WDR49: variants seen among roughly 807,000 people sequenced by gnomAD.
WDR49 encodes cilia- and flagella-associated protein 337.
In WDR49, 107 loss-of-function variants were observed where a neutral mutation model predicts 119.5. The observed-to-expected ratio is 0.90, with a 90% CI of 0.77 to 1.05. The LOEUF is 1.05. Among genes scored for constraint, WDR49 ranks in the 50% least tolerant of loss-of-function variants. The pLI is 0.00. For synonymous variants in WDR49, 425 were observed against 418.8 expected, an observed-to-expected ratio of 1.01 and a Z score of -0.18; for missense variants, 1,240 against 1,220.5, an observed-to-expected ratio of 1.02 and a Z score of -0.24.
chr3:167,526,358 C>G (rs1045034522), intron 15 of WDR49, among the ~76,000 whole-genome samples: 1 of 152,072 alleles, frequency 6.6e-6, no homozygotes, highest in African/African-American at 2.4e-5. Context: ...TTGGTTCGAC[C>G]CCGGATGTCT....
chr3:167,498,793 T>C (rs1199256379), intron 18 of WDR49, among the ~76,000 whole-genome samples: 2 of 152,134 alleles, frequency 1.3e-5, no homozygotes, highest in African/African-American at 4.8e-5. Flanking sequence ...TCAATACAGT[T>C]GCATTTCTTT....
chr3:167,481,730 G>A (rs1338585819), intron 18 of WDR49, among the ~76,000 whole-genome samples: 5 of 152,128 alleles, frequency 3.3e-5, no homozygotes, highest in African/African-American at 4.8e-5. Context: ...AGCAGCAAGA[G>A]AGAAATGAGG....
chr3:167,544,910 C>A (rs992112113), intron 10 of WDR49, among the ~76,000 whole-genome samples: 37 of 151,860 alleles, frequency 2.4e-4, no homozygotes, highest in Non-Finnish European at 2.9e-5. Context: ...ACAGACAATC[C>A]ATAGAGTGGG....
At chr3:167,621,725 A>AGACT in intron 3 of WDR49, 82 bp from the exon 4 acceptor site, 1 of 1,309,592 alleles carries the variant, frequency 7.6e-7, no homozygotes, top group East Asian at 2.6e-5. Context: ...CGCCACTCTA[A>AGACT]TTGCCAAATC....
At chr3:167,549,093 TGA>T in intron 10 of WDR49, among the ~76,000 whole-genome samples, 1 of 152,332 alleles carries the variant, frequency 6.6e-6, no homozygotes, top group South Asian at 2.1e-4. Flanking sequence ...AGTCTATCAT[TGA>T]TGGACATTTG....
chr3:167,498,377 A>C (rs1751438311), intron 18 of WDR49, among the ~76,000 whole-genome samples: 1 of 152,178 alleles, frequency 6.6e-6, no homozygotes, highest in Non-Finnish European at 1.5e-5. Context: ...ATGAGACTCA[A>C]AGAAGGGCCT....
chr3:167,521,721 G>C (rs1006149162), intron 16 of WDR49, among the ~76,000 whole-genome samples: 3 of 152,152 alleles, frequency 2.0e-5, no homozygotes, highest in African/African-American at 4.8e-5. Flanking sequence ...TAAGTTATGA[G>C]AGCATGGTTT....
At chr3:167,541,848 G>A (rs1266956014) in intron 10 of WDR49, among the ~76,000 whole-genome samples, 1 of 151,988 alleles carries the variant, frequency 6.6e-6, no homozygotes, top group Non-Finnish European at 1.5e-5. Context: ...AGGTAAAGGG[G>A]TGGAAAAAGA....
chr3:167,635,777 C>A (rs1345864117), intron 2 of WDR49, among the ~76,000 whole-genome samples: 1 of 151,528 alleles, frequency 6.6e-6, no homozygotes. Context: ...GAGTTGTAAG[C>A]CACTGGGAGA....
intron 9 of WDR49, 29 bp downstream of exon 9, chr3:167,560,035 T>C (rs1207550226): frequency 6.2e-7 from 1 of 1,612,606 alleles, no homozygotes; most frequent in Non-Finnish European, 8.5e-7. Flanking sequence ...TCCTCATATC[T>C]GGATAGAAAA....
At chr3:167,545,891 A>C (rs1712160769) in intron 10 of WDR49, among the ~76,000 whole-genome samples, 1 of 136,936 alleles carries the variant, frequency 7.3e-6, no homozygotes, top group African/African-American at 2.7e-5. Flanking sequence ...TAAATAAATA[A>C]TTGTAATATT....
intron 7 of WDR49, among the ~76,000 whole-genome samples, chr3:167,583,066 G>C (rs867394858): frequency 6.6e-6 from 1 of 151,888 alleles, no homozygotes; most frequent in Non-Finnish European, 1.5e-5. Context: ...TTCATTTAAG[G>C]TGCTTTCTTT....
rs75082705 is a variant in WDR49, at chr3:167,581,698, G to A, written c.1276-5547C>T. Among the ~76,000 whole-genome samples, 1,046 of 152,202 alleles carry A rather than the reference G, an allele frequency of 6.9e-3. 56 individuals carry two copies. In the East Asian group the frequency reaches 0.13, roughly 20 times the overall value. ...AAAGCTTTTCTTCTGTGCTACAAAT[G>A]TTACATTTATAAGTAGATAACTTCA... On this transcript the variant is annotated intron_variant, in intron 7 of 18. Transcript: ENST00000682715.
At chr3:167,615,207 T>C (rs557036533) in intron 5 of WDR49, among the ~76,000 whole-genome samples, 1 of 152,308 alleles carries the variant, frequency 6.6e-6, no homozygotes, top group Non-Finnish European at 1.5e-5. Flanking sequence ...TGATCACGGC[T>C]CACTGCAGCC....
At chr3:167,604,520 A>G in intron 5 of WDR49, 52 bp from the exon 6 acceptor site, 3 of 1,479,696 alleles carry the variant, frequency 2.0e-6, no homozygotes, top group Non-Finnish European at 2.7e-6. Flanking sequence ...TCTTCACAAG[A>G]TATTAGTAAA....
At chr3:167,626,196 A>T (rs189473043) in intron 3 of WDR49, among the ~76,000 whole-genome samples, 125 of 152,148 alleles carry the variant, frequency 8.2e-4, no homozygotes, top group Middle Eastern at 3.4e-3. Context: ...GATGTTTTTG[A>T]TCTTAAGGGG....
rs1577282347 is a variant in WDR49, at chr3:167,620,502, C to T, written c.885G>A (p.Glu295=). ...GEATMTINWA[E]LLSGCHKCCH... ...AACATTTGTGACATCCAGAGAGCAGCTCTGCCCAGTTAATGGTCATAGTGG... is the reference window on the plus strand; with the variant it reads ...AACATTTGTGACATCCAGAGAGCAGTTCTGCCCAGTTAATGGTCATAGTGG... The change falls in exon 5 of 19, where the codon GAG becomes GAA. Residue 295 remains glutamate (E), a synonymous_variant. Coordinates refer to ENST00000682715, the MANE Select transcript of WDR49 (RefSeq NM_001366157.1). The T allele has an allele frequency of 6.5e-7, 1 of 1,536,136 alleles. No homozygotes were observed. The highest frequency in any genetic ancestry group is 8.7e-7 in the Non-Finnish European group (1 of 1,146,766).
chr3:167,540,580 G>T (rs1711754680), intron 10 of WDR49, among the ~76,000 whole-genome samples: 1 of 152,070 alleles, frequency 6.6e-6, no homozygotes, highest in African/African-American at 2.4e-5. Context: ...TTTTTCACTG[G>T]AATAGTCTAC....
intron 10 of WDR49, among the ~76,000 whole-genome samples, chr3:167,539,541 G>A (rs998237075): frequency 1.3e-5 from 2 of 152,072 alleles, no homozygotes; most frequent in Non-Finnish European, 2.9e-5. Flanking sequence ...AACATTTAAT[G>A]TTATACAGTT....
Sources: gnomAD v4.1 joint callset for allele counts (sites outside exome capture counted in the v4.1 genomes callset) on GRCh38, gnomAD v4.1.1 for gene constraint, MANE v1.5 for transcripts, NCBI Gene and HGNC (gene_info 2026-07-23, HGNC 2026-07-21) for gene names.